Variants in ANO2 observed in about 807,000 individuals in gnomAD.
The protein encoded by ANO2 is anoctamin 2.
A neutral mutation model predicts 124.2 loss-of-function variants in ANO2; 101 were observed. The ratio of observed to expected loss-of-function variants is 0.81; its 90% CI spans 0.69 to 0.96. The LOEUF is 0.96. Among genes scored for constraint, ANO2 ranks in the 40% least tolerant of loss-of-function variants. The probability of loss-of-function intolerance (pLI) is 0.00; values close to 1 mark genes in which losing one functional copy is unlikely to be tolerated. For missense variants in ANO2, 1,293 were observed against 1,274.5 expected, an observed-to-expected ratio of 1.01 and a Z score of -0.22; for synonymous variants, 486 against 482.5, an observed-to-expected ratio of 1.01 and a Z score of -0.09.
At chr12:5,703,764 G>A (rs1269823692) in intron 14 of ANO2, among the ~76,000 whole-genome samples, 1 of 152,096 alleles carries the variant, frequency 6.6e-6, no homozygotes, top group Admixed American at 6.5e-5. Flanking sequence ...GCCCAGGCTG[G>A]TCTCAAAATC....
rs1943595602 is a variant in ANO2 at position 5,595,146 on chromosome 12, G to GCATT, written c.2233+4334_2233+4337dup. ...TTTTCTCATTAATTAGCGCATGCAT[G>GCATT]CATTCATTCATTCCCTCATCTTTGT... On this transcript the variant is annotated intron_variant, in intron 20 of 24. Coordinates refer to ENST00000682330, the MANE Select transcript of ANO2 (RefSeq NM_001364791.2). Among the ~76,000 whole-genome samples the GCATT allele has an allele frequency of 2.0e-5, 3 of 152,284 alleles. No homozygotes were observed. The South Asian group carries it at 6.2e-4, about 32-fold the overall frequency.
intron 16 of ANO2, among the ~76,000 whole-genome samples, chr12:5,630,191 G>A (rs976310228): frequency 1.3e-5 from 2 of 152,188 alleles, no homozygotes; most frequent in African/African-American, 2.4e-5. Context: ...TGAGCAAAGC[G>A]TATACTCACA....
At chr12:5,607,467 T>A (rs1377341349) in intron 19 of ANO2, among the ~76,000 whole-genome samples, 1 of 152,094 alleles carries the variant, frequency 6.6e-6, no homozygotes, top group Non-Finnish European at 1.5e-5. Flanking sequence ...TAGAATAACT[T>A]TGCCAAGGTC....
intron 10 of ANO2, among the ~76,000 whole-genome samples, chr12:5,792,588 T>C (rs1280622998): frequency 6.6e-6 from 1 of 152,210 alleles, no homozygotes; most frequent in Non-Finnish European, 1.5e-5. Flanking sequence ...ATCACACTGA[T>C]GTTTCTAGAA....
At chr12:5,820,134 A>AGAACCCCTTGATTGAAGGGGAGGTTG (rs1953739088) in intron 7 of ANO2, among the ~76,000 whole-genome samples, 1 of 152,214 alleles carries the variant, frequency 6.6e-6, no homozygotes, top group Non-Finnish European at 1.5e-5. Context: ...TTACAGACCC[A>AGAACCCCTTGATTGAAGGGGAGGTTG]GAACCCCTTG....
intron 4 of ANO2, among the ~76,000 whole-genome samples, chr12:5,845,325 T>G (rs992747421): frequency 2.0e-5 from 3 of 151,794 alleles, no homozygotes; most frequent in Admixed American, 1.3e-4. Context: ...CCCAGAACTT[T>G]GGGAGGCCGA....
At chr12:5,793,012 A>T (rs1952742831) in intron 10 of ANO2, among the ~76,000 whole-genome samples, 1 of 152,214 alleles carries the variant, frequency 6.6e-6, no homozygotes, top group South Asian at 2.1e-4. Context: ...TGGGGAACAC[A>T]CGTTGATATG....
intron 4 of ANO2, among the ~76,000 whole-genome samples, chr12:5,838,137 C>T (rs1339503523): frequency 6.6e-6 from 1 of 152,210 alleles, no homozygotes; most frequent in Non-Finnish European, 1.5e-5. Context: ...AGTTCCTGAG[C>T]CTCACCTTGG....
chr12:5,814,377 T>C (rs1331913973), intron 7 of ANO2, among the ~76,000 whole-genome samples: 1 of 152,262 alleles, frequency 6.6e-6, no homozygotes, highest in Non-Finnish European at 1.5e-5. Context: ...CACCACCATG[T>C]CTTCTGTGTT....
chr12:5,640,554 A>G (rs1365076717), intron 15 of ANO2, among the ~76,000 whole-genome samples: 5 of 152,366 alleles, frequency 3.3e-5, no homozygotes, highest in Admixed American at 3.3e-4. Context: ...CCCATCAAAA[A>G]GGGTGCAAAG....
At chr12:5,794,457 T>A (rs1952787536) in intron 10 of ANO2, among the ~76,000 whole-genome samples, 1 of 152,206 alleles carries the variant, frequency 6.6e-6, no homozygotes, top group Admixed American at 6.5e-5. Context: ...GTCATTAGTA[T>A]CAGGCTAAAC....
intron 14 of ANO2, among the ~76,000 whole-genome samples, chr12:5,668,978 G>A (rs536643932): frequency 3.4e-4 from 52 of 151,908 alleles, no homozygotes; most frequent in Non-Finnish European, 6.9e-4. Context: ...GTTGGGTAGC[G>A]TGATGCCTCC....
intron 20 of ANO2, among the ~76,000 whole-genome samples, chr12:5,593,827 C>A (rs1943525400): frequency 6.6e-6 from 1 of 152,162 alleles, no homozygotes; most frequent in Admixed American, 6.6e-5. Flanking sequence ...AGCTAGCATG[C>A]AGCAGGGTTA....
At position 5,935,333 on chromosome 12, in the gene ANO2, C is replaced by T. The variant is rs1326529106; in HGVS notation, c.22+9863G>A. On this transcript the variant is annotated intron_variant, in intron 1 of 24. Coordinates refer to ENST00000682330, the MANE Select transcript of ANO2 (RefSeq NM_001364791.2). The stretch of plus-strand genomic sequence containing the variant: ...CAAACATCCACCACAATGGTAACAC[C>T]ATGTGAAAGTCGAGAGGATTGTTCA... Among the ~76,000 whole-genome samples the T allele has an allele frequency of 4.6e-5, 7 of 152,220 alleles. No homozygotes were observed. The East Asian group carries it at 1.2e-3, about 25-fold the overall frequency.
intron 20 of ANO2, among the ~76,000 whole-genome samples, chr12:5,590,382 G>A (rs951571571): frequency 3.9e-5 from 6 of 152,218 alleles, no homozygotes; most frequent in African/African-American, 7.2e-5. Context: ...ACATGGAGAC[G>A]GAACAGAGAA....
intron 20 of ANO2, among the ~76,000 whole-genome samples, chr12:5,590,927 C>T (rs572739805): frequency 6.6e-6 from 1 of 152,290 alleles, no homozygotes; most frequent in Admixed American, 6.5e-5. Context: ...TGGCTCACAC[C>T]TGTAATCCCA....
At chr12:5,807,491 A>G in intron 7 of ANO2, 123 bp from the exon 8 acceptor site, 2 of 727,224 alleles carry the variant, frequency 2.8e-6, no homozygotes, top group South Asian at 2.1e-5. Context: ...ATCCTCCTCT[A>G]TATCATCCAG....
rs368566641 is a variant in ANO2 at position 5,599,610 on chromosome 12, G to A, written c.2107C>T (p.Arg703Ter). Reference sequence around the variant, plus strand: ...GCTTCGGTCTCATCTTTCAGCTTTCGAAATAGTTTCTTTAGCTTCCTGGAA... The same window carrying A: ...GCTTCGGTCTCATCTTTCAGCTTTCAAAATAGTTTCTTTAGCTTCCTGGAA... ...IGVPKLKKLF[R>*]KLKDETEAGE... The change falls in exon 20 of 25, where the codon CGA (arginine) becomes TGA (stop). Residue 703 changes from arginine to a stop codon, truncating the protein, a stop_gained. Transcript: ENST00000682330. LOFTEE classifies it high-confidence loss of function. 4.8e-5 allele frequency: 78 copies of A among 1,613,548 alleles called. No homozygotes were observed. The highest frequency in any genetic ancestry group is 6.1e-5 in the Non-Finnish European group (72 of 1,179,838).
chr12:5,603,840 G>A (rs1354219606), intron 19 of ANO2, among the ~76,000 whole-genome samples: 1 of 151,708 alleles, frequency 6.6e-6, no homozygotes, highest in East Asian at 1.9e-4. Flanking sequence ...AGCTACTCGG[G>A]AGGCTGAGGC....
Sources: allele counts gnomAD v4.1 joint callset (sites outside exome capture counted in the v4.1 genomes callset), GRCh38; gene constraint gnomAD v4.1.1; transcripts MANE v1.5; gene names NCBI Gene and HGNC (gene_info 2026-07-23, HGNC 2026-07-21).